The following THBS4 variants were observed in gnomAD, a reference collection of about 807,000 sequenced individuals.
THBS4 encodes the protein thrombospondin-4.
A neutral mutation model predicts 115.7 loss-of-function variants in THBS4; 90 were observed. The observed-to-expected ratio is 0.78, with a 90% CI of 0.66 to 0.93. The LOEUF (loss-of-function observed/expected upper bound fraction) is 0.93, where lower values mean the gene tolerates loss of function less well. THBS4 is among the 40% of genes least tolerant of loss of function. THBS4 has a pLI of 0.00. For missense variants in THBS4, 1,087 were observed against 1,232.7 expected (o/e 0.88, Z 1.77); for synonymous variants, 460 against 479.3 (o/e 0.96, Z 0.53).
chr5:80,013,987 T>C (rs1832198902), intron 2 of THBS4, among the ~76,000 whole-genome samples: 1 of 152,168 alleles, frequency 6.6e-6, no homozygotes, highest in South Asian at 2.1e-4. Context: ...ATTCCAGACA[T>C]AGCTTGGAGC....
chr5:80,033,775 A>G (rs967469675), upstream of THBS4, among the ~76,000 whole-genome samples: 8 of 152,218 alleles, frequency 5.3e-5, no homozygotes, highest in African/African-American at 1.9e-4. Flanking sequence ...AGAGTAGTCT[A>G]TGGTGTGATA....
intron 19 of THBS4, 87 bp downstream of exon 19, chr5:80,079,345 G>A: frequency 7.1e-7 from 1 of 1,401,242 alleles, no homozygotes; most frequent in South Asian, 1.5e-5. Flanking sequence ...GTGGTACTTA[G>A]TTAATCTAAA....
chr5:80,060,603 T>C (rs1833598251), intron 7 of THBS4, among the ~76,000 whole-genome samples: 1 of 151,904 alleles, frequency 6.6e-6, no homozygotes, highest in Non-Finnish European at 1.5e-5. Context: ...CTACAAAAAA[T>C]ATGATAATTA....
intron 1 of THBS4, among the ~76,000 whole-genome samples, chr5:80,036,810 C>A (rs1484632559): frequency 6.6e-6 from 1 of 152,178 alleles, no homozygotes; most frequent in Non-Finnish European, 1.5e-5. Context: ...CTGGAAGAGA[C>A]GCACAACTTG....
chr5:80,074,813 A>G (rs1365297079), intron 15 of THBS4, among the ~76,000 whole-genome samples: 1 of 152,018 alleles, frequency 6.6e-6, no homozygotes, highest in African/African-American at 2.4e-5. Context: ...GAGTTTCACC[A>G]TGTTGGCCAG....
At chr5:80,068,415 A>G (rs1580974867) in intron 10 of THBS4, 1 of 352,706 alleles carries the variant, frequency 2.8e-6, no homozygotes, top group Non-Finnish European at 5.3e-6. Flanking sequence ...AGCACCTTCT[A>G]TGGAAAGGCC....
At chr5:80,047,168 T>C (rs1034596853) in intron 2 of THBS4, among the ~76,000 whole-genome samples, 2 of 152,196 alleles carry the variant, frequency 1.3e-5, no homozygotes, top group African/African-American at 4.8e-5. Context: ...GTGATGCAAC[T>C]GTTTATAAAA....
At chr5:80,023,417 TTACTC>T (rs1832417178) in intron 2 of THBS4, among the ~76,000 whole-genome samples, 1 of 152,212 alleles carries the variant, frequency 6.6e-6, no homozygotes, top group Non-Finnish European at 1.5e-5. Flanking sequence ...CAATTAAAAT[TTACTC>T]TAAGTCCTGC....
intron 3 of THBS4, 52 bp from the exon 4 acceptor site, chr5:80,058,154 T>C: frequency 2.1e-6 from 3 of 1,417,316 alleles, no homozygotes; most frequent in Non-Finnish European, 1.9e-6. Context: ...GGCAAGCACA[T>C]TGGCTTTTGA....
chr5:80,029,726 G>A (rs537940593), intron 2 of THBS4, among the ~76,000 whole-genome samples: 76 of 151,978 alleles, frequency 5.0e-4, no homozygotes, highest in African/African-American at 1.6e-3. Context: ...TTGGGAGGCC[G>A]AGGCGGGCTG....
Position 80,029,594 on chromosome 5 carries a change from C to T in THBS4, n.178-10483C>T, listed in dbSNP as rs190441871. Among the ~76,000 whole-genome samples, 231 of 152,168 alleles carry T rather than the reference C, an allele frequency of 1.5e-3. 1 individual carries two copies. Among genetic ancestry groups the T allele is most frequent in the Non-Finnish European group, 2.8e-3 (191 of 67,994 alleles). On this transcript the variant is annotated intron_variant and non_coding_transcript_variant, in intron 2 of 3. Coordinates refer to the THBS4 transcript ENST00000510218. Reference sequence around the variant, plus strand: ...GATTGAAAATGACTGATTTTTCACACCTCTTTTCTTGCTTTACTAATCGTC... The same window carrying T: ...GATTGAAAATGACTGATTTTTCACATCTCTTTTCTTGCTTTACTAATCGTC...
chr5:80,076,425 ACT>A (rs887190465), intron 15 of THBS4, among the ~76,000 whole-genome samples: 2 of 152,182 alleles, frequency 1.3e-5, no homozygotes, highest in Non-Finnish European at 2.9e-5. Context: ...AGATGAGGAC[ACT>A]GAGCCATAGA....
At chr5:79,993,136 A>G (rs765996476) in intron 1 of THBS4, among the ~76,000 whole-genome samples, 5 of 152,226 alleles carry the variant, frequency 3.3e-5, no homozygotes, top group Non-Finnish European at 7.3e-5. Context: ...CTTCTTCCGT[A>G]CTGCTGCTAC....
chr5:79,998,999 C>T (rs1251568985), intron 2 of THBS4, among the ~76,000 whole-genome samples: 1 of 152,182 alleles, frequency 6.6e-6, no homozygotes, highest in Non-Finnish European at 1.5e-5. Context: ...TCCAGGAAAT[C>T]ATCTTAGGAC....
Position 80,076,935 on chromosome 5 carries a change from G to C in THBS4, c.1973G>C (p.Gly658Ala). Residue 658 changes from glycine to alanine, a missense_variant, in exon 16 of 22, where the codon GGA becomes GCA. Physicochemically the swap from Gly to Ala is moderately conservative, Grantham distance 60. Coordinates refer to ENST00000350881, the MANE Select transcript of THBS4 (RefSeq NM_003248.6). The stretch of plus-strand genomic sequence containing the variant: ...GCCCAGCTGGACACCGATAAGGATG[G>C]AATTGGTGACGAGTGTGATGATGAT... ...NSAQLDTDKD[G>A]IGDECDDDDD... 1 of 1,613,912 alleles carries C rather than the reference G, an allele frequency of 6.2e-7. No homozygotes were observed. Among genetic ancestry groups the C allele is most frequent in the Non-Finnish European group, 8.5e-7 (1 of 1,179,908 alleles).
chr5:79,996,504 T>A (rs1238320377), intron 1 of THBS4, among the ~76,000 whole-genome samples: 1 of 152,186 alleles, frequency 6.6e-6, no homozygotes, highest in Non-Finnish European at 1.5e-5. Context: ...TGAAAGAAGA[T>A]GAACTCTGTA....
intron 1 of THBS4, among the ~76,000 whole-genome samples, chr5:80,036,506 C>T (rs1286726903): frequency 6.6e-6 from 1 of 152,074 alleles, no homozygotes; most frequent in African/African-American, 2.4e-5. Flanking sequence ...CCCTCTGAAT[C>T]TATAATTTAA....
intron 2 of THBS4, among the ~76,000 whole-genome samples, chr5:80,009,947 AC>A (rs1416691660): frequency 6.6e-6 from 1 of 152,140 alleles, no homozygotes; most frequent in East Asian, 1.9e-4. Flanking sequence ...AGCCCAGGCA[AC>A]ATAGTGAGAC....
chr5:80,021,275 G>A (rs1401029428), intron 2 of THBS4, among the ~76,000 whole-genome samples: 1 of 152,148 alleles, frequency 6.6e-6, no homozygotes, highest in Non-Finnish European at 1.5e-5. Flanking sequence ...AACCAAAGCA[G>A]TGCATCAAAT....
Sources: allele counts gnomAD v4.1 joint callset (sites outside exome capture counted in the v4.1 genomes callset), GRCh38; gene constraint gnomAD v4.1.1; transcripts MANE v1.5; gene names NCBI Gene and HGNC (gene_info 2026-07-23, HGNC 2026-07-21).